The following NINL variants were observed in gnomAD, a reference collection of about 807,000 sequenced individuals.
NINL encodes ninein-like protein.
Under a neutral mutation model 160.3 loss-of-function variants are expected in NINL, and 153 were observed. The observed-to-expected ratio is 0.95, with a 90% CI of 0.84 to 1.09. The LOEUF is 1.09. Among genes scored for constraint, NINL ranks in the 50% least tolerant of loss-of-function variants. The probability of loss-of-function intolerance (pLI) is 0.00; values close to 1 mark genes in which losing one functional copy is unlikely to be tolerated. For missense variants in NINL, 1,829 were observed against 1,764.0 expected, an observed-to-expected ratio of 1.04 and a Z score of -0.66; for synonymous variants, 800 against 734.8, an observed-to-expected ratio of 1.09 and a Z score of -1.43.
intron 1 of NINL, among the ~76,000 whole-genome samples, chr20:25,576,384 G>A (rs573136245): frequency 5.9e-5 from 9 of 152,168 alleles, no homozygotes; most frequent in Non-Finnish European, 1.0e-4. Flanking sequence ...AACTGCAATC[G>A]CTTGGTTAGC....
intron 1 of NINL, among the ~76,000 whole-genome samples, chr20:25,554,644 A>C (rs930117403): frequency 9.6e-4 from 134 of 139,854 alleles, no homozygotes; most frequent in South Asian, 3.0e-3. Flanking sequence ...AACAAAAAAA[A>C]AAAAAAAAAA....
At chr20:25,513,494 C>A (rs981010447) in intron 3 of NINL, among the ~76,000 whole-genome samples, 1 of 152,208 alleles carries the variant, frequency 6.6e-6, no homozygotes, top group Non-Finnish European at 1.5e-5. Flanking sequence ...CATCATGAGC[C>A]TTATTAACAA....
At chr20:25,489,002 A>T (rs1196676449) in intron 13 of NINL, 1 of 520,170 alleles carries the variant, frequency 1.9e-6, no homozygotes, top group African/African-American at 1.9e-5. Flanking sequence ...AAAGCTAAAC[A>T]TGAACAACAG....
intron 10 of NINL, among the ~76,000 whole-genome samples, chr20:25,494,494 C>T (rs1459711132): frequency 6.6e-6 from 1 of 152,194 alleles, no homozygotes; most frequent in Admixed American, 6.5e-5. Context: ...CTCCACAGGC[C>T]CCATGCACTC....
In NINL at chr20:25,482,001, G is replaced by A. The variant is rs1036447484; in HGVS notation, c.1777C>T (p.Arg593Cys). The change falls in exon 14 of 24, where the codon CGC (arginine) becomes TGC (cysteine). Residue 593 changes from arginine (R) to cysteine (C), a missense_variant. Coordinates refer to ENST00000278886, the MANE Select transcript of NINL (RefSeq NM_025176.6). ...CCGAGTCCAGGGAGCTGCCGTCTGC[G>A]CCCATCCGGGCTCCATGAGGGGCTG... ...RHSPSWSPDG[R>C]RRQLPGLGPA... The A allele has an allele frequency of 1.4e-5, 22 of 1,598,200 alleles. No individual in the cohort carries two copies. Among genetic ancestry groups the A allele is most frequent in the Non-Finnish European group, 1.7e-5 (20 of 1,179,552 alleles).
chr20:25,477,118 A>G, intron 16 of NINL, 29 bp from the exon 17 acceptor site: 2 of 1,541,144 alleles, frequency 1.3e-6, no homozygotes, highest in East Asian at 2.3e-5. Context: ...CACACACCAC[A>G]GCCCTGCCGC....
intron 16 of NINL, 41 bp from the exon 17 acceptor site, chr20:25,477,130 C>T (rs2063278172): frequency 1.3e-6 from 2 of 1,508,284 alleles, no homozygotes; most frequent in South Asian, 2.6e-5. Context: ...CCCTGCCGCC[C>T]CCAGCCCCTC....
rs2065111785 is a variant in NINL, at chr20:25,576,110, A to G, written c.-12+9345T>C. On this transcript the variant is annotated intron_variant, in intron 1 of 23. Transcript: ENST00000278886. ...GGTGCCAACAATGTCCTTTACAGCT[A>G]TCTTTTTCACCCCAGTCCAGTTTCC... 2.0e-5 allele frequency among the ~76,000 whole-genome samples: 3 copies of G among 152,250 alleles called. No homozygotes were observed. The South Asian group carries it at 6.2e-4, about 32-fold the overall frequency.
At chr20:25,572,245 A>G (rs1361097114) in intron 1 of NINL, among the ~76,000 whole-genome samples, 1 of 150,922 alleles carries the variant, frequency 6.6e-6, no homozygotes, top group African/African-American at 2.4e-5. Context: ...CAATTGTTGC[A>G]ATTTATTTTT....
Position 25,462,559 on chromosome 20 carries a change from T to C in NINL, c.3424-18A>G, listed in dbSNP as rs1190467943. ...TTCTGATTCTGGGGGAAAAAGTTTT[T>C]AAATACATAAGAAAAAAATGTTTTT... On this transcript the variant is annotated intron_variant, in intron 19 of 23. Coordinates refer to ENST00000278886, the MANE Select transcript of NINL (RefSeq NM_025176.6). 6.3e-7 allele frequency: 1 copy of C among 1,588,616 alleles called. No individual in the cohort carries two copies. The highest frequency in any genetic ancestry group is 8.6e-7 in the Non-Finnish European group (1 of 1,169,154).
At chr20:25,456,334 G>A (rs1444198048) in intron 22 of NINL, among the ~76,000 whole-genome samples, 1 of 149,464 alleles carries the variant, frequency 6.7e-6, no homozygotes, top group Non-Finnish European at 1.5e-5. Context: ...GATTACCTGA[G>A]CTCAGGAGTT....
intron 20 of NINL, among the ~76,000 whole-genome samples, chr20:25,461,840 T>C (rs745408038): frequency 6.6e-6 from 1 of 152,154 alleles, no homozygotes; most frequent in Non-Finnish European, 1.5e-5. Flanking sequence ...GGTGAGACAG[T>C]GTCAGGTGCG....
At chr20:25,512,794 C>T (rs779209328) in intron 4 of NINL, 40 bp downstream of exon 4, 2 of 1,565,680 alleles carry the variant, frequency 1.3e-6, no homozygotes, top group East Asian at 4.5e-5. Flanking sequence ...TTGTTATTCC[C>T]AACACTGGGC....
intron 1 of NINL, among the ~76,000 whole-genome samples, chr20:25,545,207 G>A (rs544591993): frequency 1.3e-5 from 2 of 152,344 alleles, no homozygotes. Flanking sequence ...CCTTGAGCTG[G>A]TGCCCAGTAA....
chr20:25,524,516 A>G (rs896426440), intron 2 of NINL, among the ~76,000 whole-genome samples: 1 of 152,164 alleles, frequency 6.6e-6, no homozygotes, highest in Admixed American at 6.5e-5. Flanking sequence ...GTGGTACCCA[A>G]CTTTCTTCTC....
rs745488865 is a variant in NINL at position 25,500,900 on chromosome 20, A to G, written c.972T>C (p.Pro324=). The G allele has an allele frequency of 6.2e-7, 1 of 1,614,238 alleles. No homozygotes were observed. Among genetic ancestry groups the G allele is most frequent in the South Asian group, 1.1e-5 (1 of 91,082 alleles). ...SIDDGSGFAF[P]DQVLAMWTQE... ...GGGTCCACATGGCCAGGACCTGATC[A>G]GGAAAAGCGAAGCCAGAACCATCGT... is the stretch of plus-strand genomic sequence containing the variant. The change falls in exon 8 of 24, where the codon CCT becomes CCC. Residue 324 remains proline, a synonymous_variant. Transcript: ENST00000278886.
At chr20:25,459,344 C>T (rs369041637) in intron 21 of NINL, among the ~76,000 whole-genome samples, 7 of 152,220 alleles carry the variant, frequency 4.6e-5, no homozygotes, top group African/African-American at 1.7e-4. Context: ...CTCAGCCGAG[C>T]TGGGGGCCTG....
chr20:25,556,306 A>G (rs891980317), intron 1 of NINL, among the ~76,000 whole-genome samples: 1 of 152,114 alleles, frequency 6.6e-6, no homozygotes, highest in African/African-American at 2.4e-5. Flanking sequence ...AAAAAGTTTT[A>G]TGTAACACAA....
chr20:25,454,000 A>T lies in NINL; in HGVS notation c.3958-358T>A, dbSNP rs906409023. ...CCGGGAGGTGGAGCTTGCAGTGAGC[A>T]GAGATCGCACCACTGCACTCCATCC... On this transcript the variant is annotated intron_variant, in intron 23 of 23. Coordinates refer to ENST00000278886, the MANE Select transcript of NINL (RefSeq NM_025176.6). Among the ~76,000 whole-genome samples the T allele has an allele frequency of 4.6e-5, 7 of 152,160 alleles. No homozygotes were observed. The East Asian group carries it at 1.4e-3, about 29-fold the overall frequency.
Sources: gnomAD v4.1 joint callset for allele counts (sites outside exome capture counted in the v4.1 genomes callset) on GRCh38, gnomAD v4.1.1 for gene constraint, MANE v1.5 for transcripts, NCBI Gene and HGNC (gene_info 2026-07-23, HGNC 2026-07-21) for gene names.